Variants in SPOCK3 observed in about 807,000 individuals in gnomAD.
SPOCK3 encodes the protein testican-3.
A neutral mutation model predicts 56.6 loss-of-function variants in SPOCK3; 30 were observed. That is an observed-to-expected ratio of 0.53 (90% CI 0.40 to 0.72). SPOCK3 has a LOEUF of 0.72. Ranked by LOEUF, SPOCK3 falls within the 30% of genes least tolerant of loss-of-function variation. The pLI is 0.00. For missense variants in SPOCK3, 527 were observed against 530.0 expected (o/e 0.99, Z 0.06); for synonymous variants, 196 against 183.3 (o/e 1.07, Z -0.56).
At chr4:167,221,824 G>A (rs892473913) in intron 2 of SPOCK3, among the ~76,000 whole-genome samples, 3 of 152,078 alleles carry the variant, frequency 2.0e-5, no homozygotes, top group Admixed American at 6.6e-5. Context: ...TAGCAAGGGT[G>A]CAAAAAAATT....
At chr4:167,146,768 CAA>C (rs751503338) in intron 2 of SPOCK3, among the ~76,000 whole-genome samples, 82 of 152,156 alleles carry the variant, frequency 5.4e-4, no homozygotes, top group Admixed American at 1.4e-3. Context: ...CCAATGAGAA[CAA>C]AGACACAACG....
chr4:167,055,293 G>A (rs1391533470), intron 3 of SPOCK3, among the ~76,000 whole-genome samples: 1 of 152,106 alleles, frequency 6.6e-6, no homozygotes, highest in Non-Finnish European at 1.5e-5. Context: ...ACATTAATAA[G>A]CTTTTGAAAA....
chr4:166,789,762 T>C (rs1183501073), intron 7 of SPOCK3, among the ~76,000 whole-genome samples: 1 of 152,196 alleles, frequency 6.6e-6, no homozygotes, highest in Non-Finnish European at 1.5e-5. Flanking sequence ...AATGGAAAAG[T>C]TAAAATGAAT....
At chr4:167,100,394 T>G (rs1759530732) in intron 2 of SPOCK3, among the ~76,000 whole-genome samples, 1 of 151,872 alleles carries the variant, frequency 6.6e-6, no homozygotes, top group African/African-American at 2.4e-5. Context: ...TTCCTTTCTG[T>G]GTCTGTCTCT....
In SPOCK3 at chr4:166,973,252, A is replaced by G. The variant is rs370745776; in HGVS notation, c.350+27097T>C. On this transcript the variant is annotated intron_variant, in intron 4 of 10. Transcript: ENST00000357545. Reference sequence around the variant, plus strand: ...CCCTTCACCTTCCACCATGATTGTAAGTTTTCTGAGGCCTCCCCAGCCATG... The same window carrying G: ...CCCTTCACCTTCCACCATGATTGTAGGTTTTCTGAGGCCTCCCCAGCCATG... 2.4e-3 allele frequency among the ~76,000 whole-genome samples: 371 copies of G among 152,142 alleles called. 4 individuals carry two copies. The highest frequency in any genetic ancestry group is 8.5e-3 in the African/African-American group (354 of 41,516).
chr4:167,018,100 T>C (rs1450906341), intron 3 of SPOCK3, among the ~76,000 whole-genome samples: 2 of 152,154 alleles, frequency 1.3e-5, no homozygotes, highest in Non-Finnish European at 2.9e-5. Context: ...AAGTTTTTTA[T>C]GCTGATATAT....
chr4:166,896,309 G>C (rs563326085), intron 5 of SPOCK3, among the ~76,000 whole-genome samples: 1 of 152,110 alleles, frequency 6.6e-6, no homozygotes, highest in Non-Finnish European at 1.5e-5. Context: ...GCTTCAGTGT[G>C]TTTGTGCCCT....
chr4:166,912,695 T>C lies in SPOCK3; in HGVS notation c.399A>G (p.Leu133=), dbSNP rs1737414064. ...CCACTGGGCACTGCTTGCAGGTGGA[T>C]AATATGGGACCCCTCCACTGCCTAT... ...VDHRQWRGPI[L]STCKQCPVVY... is the part of the protein sequence containing the mutation. The change falls in exon 5 of 11, where the codon TTA becomes TTG. Residue 133 remains leucine, a synonymous_variant. Transcript: ENST00000357545. 6.2e-7 allele frequency: 1 copy of C among 1,613,564 alleles called. No homozygotes were observed. Among genetic ancestry groups the C allele is most frequent in the Non-Finnish European group, 8.5e-7 (1 of 1,179,716 alleles).
chr4:166,944,719 A>G (rs1195197022), intron 4 of SPOCK3, among the ~76,000 whole-genome samples: 2 of 148,790 alleles, frequency 1.3e-5, no homozygotes, highest in Non-Finnish European at 3.0e-5. Flanking sequence ...ACATCTTCTT[A>G]TGTGGCTCAT....
intron 4 of SPOCK3, among the ~76,000 whole-genome samples, chr4:166,993,514 A>T (rs1748026748): frequency 6.6e-6 from 1 of 152,162 alleles, no homozygotes; most frequent in South Asian, 2.1e-4. Context: ...CTCTTTAAGC[A>T]TCTGTCTCAC....
At chr4:167,019,438 TAC>T (rs1431478684) in intron 3 of SPOCK3, among the ~76,000 whole-genome samples, 1 of 151,806 alleles carries the variant, frequency 6.6e-6, no homozygotes, top group Non-Finnish European at 1.5e-5. Context: ...ATACGTGATA[TAC>T]ATAGAGTTAT....
intron 7 of SPOCK3, among the ~76,000 whole-genome samples, chr4:166,784,490 G>T (rs1202645938): frequency 6.6e-6 from 1 of 151,976 alleles, no homozygotes; most frequent in Admixed American, 6.6e-5. Context: ...AGAATAAAAT[G>T]CCAGATGTCT....
intron 5 of SPOCK3, among the ~76,000 whole-genome samples, chr4:166,892,467 A>G (rs1734882118): frequency 6.6e-6 from 1 of 152,044 alleles, no homozygotes; most frequent in African/African-American, 2.4e-5. Flanking sequence ...AAATTGGAAA[A>G]AAATTCCATG....
intron 5 of SPOCK3, among the ~76,000 whole-genome samples, chr4:166,896,991 C>T (rs1226737363): frequency 6.6e-6 from 1 of 152,022 alleles, no homozygotes; most frequent in South Asian, 2.1e-4. Context: ...CTTTTTTTTC[C>T]CCCATAGCTC....
At chr4:166,886,514 A>G (rs931764888) in intron 6 of SPOCK3, among the ~76,000 whole-genome samples, 24 of 152,146 alleles carry the variant, frequency 1.6e-4, no homozygotes, top group African/African-American at 5.5e-4. Context: ...ATTTGGACCA[A>G]TTTATGCACA....
chr4:167,109,040 AC>A (rs1760503628), intron 2 of SPOCK3, among the ~76,000 whole-genome samples: 2 of 21,864 alleles, frequency 9.1e-5, no homozygotes, highest in Non-Finnish European at 1.4e-4. Flanking sequence ...ATAAATATAT[AC>A]TTATATAAAA....
intron 2 of SPOCK3, among the ~76,000 whole-genome samples, chr4:167,211,490 T>C (rs1160919906): frequency 6.6e-6 from 1 of 152,164 alleles, no homozygotes; most frequent in African/African-American, 2.4e-5. Flanking sequence ...AAATCTCATC[T>C]TGAATTCCCA....
At chr4:167,119,786 T>A in intron 2 of SPOCK3, 1 of 1,530,218 alleles carries the variant, frequency 6.5e-7, no homozygotes, top group Non-Finnish European at 8.8e-7. Flanking sequence ...TTTAACAATT[T>A]TCATTACCTG....
intron 3 of SPOCK3, among the ~76,000 whole-genome samples, chr4:167,046,957 C>G (rs552972010): frequency 5.9e-5 from 9 of 152,074 alleles, no homozygotes; most frequent in Non-Finnish European, 1.3e-4. Context: ...AAATTTGACT[C>G]TAGTGAAGAG....
Sources: allele counts gnomAD v4.1 joint callset (sites outside exome capture counted in the v4.1 genomes callset), GRCh38; gene constraint gnomAD v4.1.1; transcripts MANE v1.5; gene names NCBI Gene and HGNC (gene_info 2026-07-23, HGNC 2026-07-21).